RPGRIP1: variants seen among roughly 807,000 people sequenced by gnomAD.
The protein encoded by RPGRIP1 is RPGR interacting protein 1, also known as X-linked retinitis pigmentosa GTPase regulator-interacting protein 1.
RPGRIP1 carries 128 observed loss-of-function variants against 157.9 expected under a neutral mutation model. That is an observed-to-expected ratio of 0.81 (90% CI 0.70 to 0.94). The LOEUF (loss-of-function observed/expected upper bound fraction) is 0.94, where lower values mean the gene tolerates loss of function less well. Among genes scored for constraint, RPGRIP1 ranks in the 40% least tolerant of loss-of-function variants. RPGRIP1 has a pLI of 0.00. For missense variants in RPGRIP1, 1,486 were observed against 1,545.8 expected (o/e 0.96, Z 0.65); for synonymous variants, 554 against 571.6 (o/e 0.97, Z 0.44).
intron 12 of RPGRIP1, among the ~76,000 whole-genome samples, chr14:21,320,633 CTT>C (rs1464208384): frequency 1.0e-5 from 1 of 98,922 alleles, no homozygotes; most frequent in African/African-American, 4.0e-5. Flanking sequence ...GAGTTTTGCT[CTT>C]GTTTCCCAGG....
Position 21,301,125 on chromosome 14 carries a change from G to T in RPGRIP1, c.378G>T (p.Gly126=). ...GCCCCCAGATGCACCGACTGCAAGG[G>T]CATTTCCACTGCGTCGGCCCTGCCA... ...HQRPQMHRLQ[G]HFHCVGPASP... The change falls in exon 4 of 25, where the codon GGG becomes GGT. Residue 126 remains glycine, a synonymous_variant. Coordinates refer to ENST00000400017, the MANE Select transcript of RPGRIP1 (RefSeq NM_020366.4). 1.2e-6 allele frequency: 2 copies of T among 1,605,646 alleles called. No individual in the cohort carries two copies. The highest frequency in any genetic ancestry group is 1.7e-5 in the Admixed American group (1 of 58,228).
At chr14:21,340,370 T>C (rs1884868069) in intron 21 of RPGRIP1, among the ~76,000 whole-genome samples, 1 of 152,174 alleles carries the variant, frequency 6.6e-6, no homozygotes, top group Admixed American at 6.6e-5. Context: ...GAGACTTTAA[T>C]GGGGCCGGGC....
chr14:21,303,322 T>G lies in RPGRIP1; in HGVS notation c.588-9T>G. ...AACAACAGTTTCTAAGTATCCTTTT[T>G]GTATTTAGTGTTTCTGGTTCTAACA... is the stretch of plus-strand genomic sequence containing the variant. On this transcript the variant is annotated splice_polypyrimidine_tract_variant and intron_variant, in intron 5 of 24. Coordinates refer to ENST00000400017, the MANE Select transcript of RPGRIP1 (RefSeq NM_020366.4). 1 of 1,599,254 alleles carries G rather than the reference T, an allele frequency of 6.3e-7. No homozygotes were observed. Among genetic ancestry groups the G allele is most frequent in the Non-Finnish European group, 8.6e-7 (1 of 1,169,058 alleles).
chr14:21,329,753 C>G (rs1883526607), intron 19 of RPGRIP1, among the ~76,000 whole-genome samples: 1 of 151,216 alleles, frequency 6.6e-6, no homozygotes, highest in Admixed American at 6.6e-5. Context: ...GCCTCAGCCT[C>G]CCAAAGTGCT....
intron 7 of RPGRIP1, among the ~76,000 whole-genome samples, chr14:21,309,302 A>G (rs184214906): frequency 5.6e-4 from 85 of 152,270 alleles, no homozygotes; most frequent in African/African-American, 1.8e-3. Context: ...ACTTGAGCTC[A>G]GGAATTCGAG....
At position 21,328,563 on chromosome 14, in the gene RPGRIP1, G is replaced by A. The variant is rs762276754; in HGVS notation, c.3035G>A (p.Gly1012Asp). The A allele has an allele frequency of 5.0e-6, 8 of 1,613,584 alleles. No individual in the cohort carries two copies. Among genetic ancestry groups the A allele is most frequent in the Non-Finnish European group, 6.8e-6 (8 of 1,179,718 alleles). ...YSRRKHGKRI[G>D]VQGKNRMEYL... ...AGAAGAAAACATGGCAAAAGAATAG[G>A]TGTTCAAGGAAAGAATAGAATGGAG... Residue 1012 changes from glycine to aspartate, a missense_variant, in exon 19 of 25, where the codon GGT (glycine) becomes GAT (aspartate). Physicochemically the swap from Gly to Asp is moderately conservative, Grantham distance 94 (BLOSUM62 -1). Transcript: ENST00000400017.
At chr14:21,295,236 A>G (rs1357694539) in intron 3 of RPGRIP1, among the ~76,000 whole-genome samples, 1 of 152,020 alleles carries the variant, frequency 6.6e-6, no homozygotes, top group Non-Finnish European at 1.5e-5. Flanking sequence ...CATCATTAAG[A>G]GCTTGGGTGA....
intron 10 of RPGRIP1, among the ~76,000 whole-genome samples, chr14:21,314,552 G>C (rs971401810): frequency 6.6e-6 from 1 of 151,176 alleles, no homozygotes; most frequent in South Asian, 2.1e-4. Flanking sequence ...AGGAGTTCAC[G>C]ACCAGCCTGG....
chr14:21,332,749 C>CTA (rs1171967204), intron 20 of RPGRIP1, among the ~76,000 whole-genome samples: 4 of 152,098 alleles, frequency 2.6e-5, no homozygotes, highest in African/African-American at 7.2e-5. Flanking sequence ...TAAAAGAAGA[C>CTA]TATTTCTGTG....
Position 21,344,683 on chromosome 14 carries a change from T to G in RPGRIP1, c.3533-430T>G, listed in dbSNP as rs185629417. ...GAAGGAGCCTGGGTGCAGTGGCTCATGCCTGTAATCCCAGCACTTTGGGAA... is the reference window on the plus strand; with the variant it reads ...GAAGGAGCCTGGGTGCAGTGGCTCAGGCCTGTAATCCCAGCACTTTGGGAA... On this transcript the variant is annotated intron_variant, in intron 22 of 24. Transcript: ENST00000400017. Among the ~76,000 whole-genome samples, 4 of 152,268 alleles carry G rather than the reference T, an allele frequency of 2.6e-5. No individual in the cohort carries two copies. In the East Asian group the frequency reaches 7.7e-4, roughly 29 times the overall value.
intron 23 of RPGRIP1, among the ~76,000 whole-genome samples, 190 bp downstream of exon 23, chr14:21,345,387 G>GTTATTTATTTAT (rs139819474): frequency 0.02 from 3,052 of 150,838 alleles, 58 homozygotes; most frequent in East Asian, 0.13. Flanking sequence ...AATCTTATAG[G>GTTATTTATTTAT]TTATTTATTT....
At chr14:21,301,840 T>G (rs2139157976) in intron 4 of RPGRIP1, among the ~76,000 whole-genome samples, 1 of 151,966 alleles carries the variant, frequency 6.6e-6, no homozygotes, top group Non-Finnish European at 1.5e-5. Flanking sequence ...ATGGCACCAC[T>G]GAACTCCAGC....
At chr14:21,318,378 C>G (rs1250874483) in intron 11 of RPGRIP1, among the ~76,000 whole-genome samples, 1 of 152,070 alleles carries the variant, frequency 6.6e-6, no homozygotes, top group African/African-American at 2.4e-5. Flanking sequence ...TCCCAAAGTG[C>G]TGGGATTACA....
At chr14:21,315,803 A>AT (rs368539913) in intron 10 of RPGRIP1, among the ~76,000 whole-genome samples, 19,318 of 147,022 alleles carry the variant, frequency 0.13, 1,445 homozygotes, top group Middle Eastern at 0.21. Context: ...TATTATTATT[A>AT]TTATTTTTTT....
chr14:21,318,094 T>TTTTGTTTG, intron 11 of RPGRIP1: 2 of 653,636 alleles, frequency 3.1e-6, no homozygotes, highest in African/African-American at 1.8e-5. Context: ...AGATGCTAGT[T>TTTTGTTTG]TTTGTTTGTT....
intron 14 of RPGRIP1, among the ~76,000 whole-genome samples, chr14:21,322,939 C>A (rs1423136395): frequency 6.6e-6 from 1 of 152,134 alleles, no homozygotes; most frequent in African/African-American, 2.4e-5. Flanking sequence ...TGTTATTATA[C>A]CCAGTGGTGA....
intron 14 of RPGRIP1, chr14:21,324,381 T>C (rs1882823608): frequency 5.2e-6 from 3 of 571,988 alleles, no homozygotes; most frequent in Non-Finnish European, 9.4e-6. Context: ...TAGCATCTAC[T>C]TTCCAGTCAC....
chr14:21,308,137 A>C (rs1180411926), intron 7 of RPGRIP1, among the ~76,000 whole-genome samples: 1 of 152,212 alleles, frequency 6.6e-6, no homozygotes, highest in East Asian at 1.9e-4. Flanking sequence ...CACAACCAGA[A>C]TGTGATTAAA....
chr14:21,327,408 G>A (rs1883223956), intron 17 of RPGRIP1, among the ~76,000 whole-genome samples: 1 of 152,092 alleles, frequency 6.6e-6, no homozygotes. Context: ...CTGAATCCTA[G>A]AGATAACCCA....
Sources: gnomAD v4.1 joint callset for allele counts (sites outside exome capture counted in the v4.1 genomes callset) on GRCh38, gnomAD v4.1.1 for gene constraint, MANE v1.5 for transcripts, NCBI Gene and HGNC (gene_info 2026-07-23, HGNC 2026-07-21) for gene names.